The following NLRP12 variants were observed in gnomAD, a reference collection of about 807,000 sequenced individuals.
NLRP12 encodes NLR family pyrin domain containing 12.
NLRP12 carries 108 observed loss-of-function variants against 91.2 expected under a neutral mutation model. The observed-to-expected ratio is 1.18, with a 90% CI of 1.01 to 1.39. The LOEUF is 1.39. Ranked by LOEUF, NLRP12 falls within the 40% of genes most tolerant of loss-of-function variation. The pLI is 0.00. For missense variants in NLRP12, 1,530 were observed against 1,352.7 expected (o/e 1.13, Z -2.06); for synonymous variants, 613 against 566.7 (o/e 1.08, Z -1.16).
chr19:53,823,382 TATACATATTTTAA>T (rs1420450720), intron 1 of NLRP12, among the ~76,000 whole-genome samples: 4 of 101,782 alleles, frequency 3.9e-5, no homozygotes, highest in African/African-American at 1.5e-4. Flanking sequence ...AATATAATTA[TATACATATTTTAA>T]ATATATATTT....
At chr19:53,796,667 A>C (rs568921172) in intron 8 of NLRP12, among the ~76,000 whole-genome samples, 158 of 150,624 alleles carry the variant, frequency 1.0e-3, no homozygotes, top group African/African-American at 3.4e-3. Flanking sequence ...TATAGGCGTG[A>C]GCCACTACGC....
chr19:53,794,324 A>AT (rs796563330), intron 9 of NLRP12, among the ~76,000 whole-genome samples, 188 bp from the exon 10 acceptor site: 2,384 of 145,696 alleles, frequency 0.016, 50 homozygotes, highest in Admixed American at 0.052. Flanking sequence ...TAACTGCATA[A>AT]TTTTTTTTTT....
intron 2 of NLRP12, 27 bp from the exon 3 acceptor site, chr19:53,811,315 G>A (rs2092072699): frequency 6.2e-7 from 1 of 1,612,958 alleles, no homozygotes; most frequent in African/African-American, 1.3e-5. Flanking sequence ...AAGGTTTTGT[G>A]GAAGACTCAT....
At chr19:53,809,516 GCA>G (rs1491585440) in intron 3 of NLRP12, 69 bp downstream of exon 3, 1 of 577,430 alleles carries the variant, frequency 1.7e-6, no homozygotes. Flanking sequence ...AGGCAACAGA[GCA>G]AAAAAAAAAA....
chr19:53,817,168 C>T (rs1048426962), intron 1 of NLRP12, among the ~76,000 whole-genome samples: 1 of 151,924 alleles, frequency 6.6e-6, no homozygotes, highest in African/African-American at 2.4e-5. Context: ...GTGGCAGGCA[C>T]CTGTAGTCCC....
intron 9 of NLRP12, among the ~76,000 whole-genome samples, chr19:53,795,524 G>A (rs1023281123): frequency 3.3e-5 from 5 of 150,818 alleles, no homozygotes; most frequent in East Asian, 3.9e-4. Context: ...ACAGGCGCCC[G>A]CCACCACGCC....
At chr19:53,809,539 A>AG in intron 3 of NLRP12, 48 bp downstream of exon 3, 22 of 1,469,074 alleles carry the variant, frequency 1.5e-5, no homozygotes, top group South Asian at 3.8e-5. Flanking sequence ...AAAAAAAAAA[A>AG]AACACACGAA....
intron 7 of NLRP12, among the ~76,000 whole-genome samples, chr19:53,800,179 C>G (rs747475571): frequency 2.6e-5 from 4 of 152,020 alleles, no homozygotes; most frequent in Admixed American, 6.6e-5. Flanking sequence ...GTGGCGGGCA[C>G]CTTTAGTCCC....
chr19:53,817,305 C>T (rs927093079), intron 1 of NLRP12, among the ~76,000 whole-genome samples: 1 of 152,102 alleles, frequency 6.6e-6, no homozygotes, highest in Non-Finnish European at 1.5e-5. Context: ...TGGCGCGTGC[C>T]TGTAATCCCA....
At chr19:53,795,380 A>ATTT (rs71304175) in intron 9 of NLRP12, among the ~76,000 whole-genome samples, 15 of 147,900 alleles carry the variant, frequency 1.0e-4, no homozygotes, top group African/African-American at 3.5e-4. Context: ...AGACAAGGAA[A>ATTT]TTTTTTTTTT....
chr19:53,823,738 CAG>C, intron 1 of NLRP12, 146 bp downstream of exon 1: 1 of 898,402 alleles, frequency 1.1e-6, no homozygotes, highest in Non-Finnish European at 1.8e-6. Context: ...TTGGTAGAGA[CAG>C]AGCCTCACTA....
At chr19:53,823,694 G>A (rs915805131) in intron 1 of NLRP12, among the ~76,000 whole-genome samples, 192 bp downstream of exon 1, 62 of 151,464 alleles carry the variant, frequency 4.1e-4, no homozygotes, top group African/African-American at 1.4e-3. Context: ...GATCACAGAC[G>A]TATACCACCA....
At chr19:53,812,398 G>C (rs141785422) in intron 2 of NLRP12, among the ~76,000 whole-genome samples, 1 of 149,010 alleles carries the variant, frequency 6.7e-6, no homozygotes. Flanking sequence ...GGGCGACAGC[G>C]TGAGACTCTG....
intron 1 of NLRP12, among the ~76,000 whole-genome samples, chr19:53,816,023 T>C (rs973197915): frequency 1.3e-5 from 2 of 151,866 alleles, no homozygotes; most frequent in African/African-American, 4.8e-5. Flanking sequence ...CTTTCGACCT[T>C]GGCCTCTTGA....
chr19:53,814,830 T>A, intron 2 of NLRP12, 78 bp downstream of exon 2: 1 of 1,129,238 alleles, frequency 8.9e-7, no homozygotes, highest in Non-Finnish European at 1.4e-6. Flanking sequence ...CAATCACGCG[T>A]TTGTGGTTGG....
At chr19:53,800,803 C>G (rs972585843) in intron 7 of NLRP12, among the ~76,000 whole-genome samples, 1 of 151,994 alleles carries the variant, frequency 6.6e-6, no homozygotes, top group Non-Finnish European at 1.5e-5. Flanking sequence ...AGGCTGGTCT[C>G]GAATTCCCCA....
rs759672572 is a variant in NLRP12, at chr19:53,798,233, C to T, written c.2927+10G>A. ...TGACCACTGCCACCCCGTCACTCCC[C>T]GATGCTCACCACAGTTTCTGGAGTC... On this transcript the variant is annotated intron_variant, in intron 8 of 9. Transcript: ENST00000324134. 41 of 1,614,054 alleles carry T rather than the reference C, an allele frequency of 2.5e-5. No individual in the cohort carries two copies. Among genetic ancestry groups the T allele is most frequent in the Middle Eastern group, 1.6e-4 (1 of 6,084 alleles).
chr19:53,822,608 G>A (rs961961044), intron 1 of NLRP12, among the ~76,000 whole-genome samples: 2 of 151,920 alleles, frequency 1.3e-5, no homozygotes, highest in Non-Finnish European at 2.9e-5. Flanking sequence ...CATGGTGGCA[G>A]GTACCTGTAA....
At position 53,810,661 on chromosome 19, in the gene NLRP12, A is replaced by G. The variant is rs2092054789; in HGVS notation, c.998T>C (p.Leu333Pro). The G allele has an allele frequency of 6.2e-7, 1 of 1,613,864 alleles. No homozygotes were observed. The highest frequency in any genetic ancestry group is 8.5e-7 in the Non-Finnish European group (1 of 1,179,910). ...LLNSLIRKKL[L>P]PELSLLITTR... ...GGTGATGAGCAAAGATAGCTCAGGGAGCAGCTTCTTCCGAATTAAGCTGTT... is the reference window on the plus strand; with the variant it reads ...GGTGATGAGCAAAGATAGCTCAGGGGGCAGCTTCTTCCGAATTAAGCTGTT... Residue 333 changes from leucine to proline, a missense_variant, in exon 3 of 10, where the codon CTC (leucine) becomes CCC (proline). Transcript: ENST00000324134.
Sources: allele counts gnomAD v4.1 joint callset (sites outside exome capture counted in the v4.1 genomes callset), GRCh38; gene constraint gnomAD v4.1.1; transcripts MANE v1.5; gene names NCBI Gene and HGNC (gene_info 2026-07-23, HGNC 2026-07-21).